Variants in NOL10 observed in about 807,000 individuals in gnomAD.
The protein encoded by NOL10 is H_NH0074G24.1.
Under a neutral mutation model 103.5 loss-of-function variants are expected in NOL10, and 58 were observed. The observed-to-expected ratio is 0.56, with a 90% confidence interval of 0.45 to 0.70. NOL10 has a LOEUF of 0.70. NOL10 is among the 30% of genes least tolerant of loss of function. The pLI, the probability that NOL10 is intolerant of heterozygous loss-of-function variation, is 0.00. For missense variants in NOL10, 763 were observed against 807.3 expected (o/e 0.95, Z 0.67); for synonymous variants, 287 against 282.5 (o/e 1.02, Z -0.16).
Position 10,689,885 on chromosome 2 carries a change from TC to T in NOL10, c.-25del. 4 of 1,592,742 alleles carry T rather than the reference TC, an allele frequency of 2.5e-6. No homozygotes were observed. In the African/African-American group the frequency reaches 4.0e-5, roughly 16 times the overall value. Reference sequence around the variant, plus strand: ...ATGGCGCCGCACAACACTGTTCAAGTCCCGGGTCCTTTCCCACCAGCGTGCT... The same window carrying T: ...ATGGCGCCGCACAACACTGTTCAAGTCCGGGTCCTTTCCCACCAGCGTGCT... On this transcript the variant is annotated 5_prime_UTR_variant, in exon 1 of 21. Transcript: ENST00000381685.
chr2:10,576,359 G>A (rs1314665856), intron 20 of NOL10, among the ~76,000 whole-genome samples: 4 of 152,080 alleles, frequency 2.6e-5, no homozygotes, highest in African/African-American at 9.7e-5. Context: ...CTGCTCCTAG[G>A]TATAGACCCA....
intron 13 of NOL10, among the ~76,000 whole-genome samples, chr2:10,609,768 C>T (rs1457392922): frequency 1.3e-5 from 2 of 152,086 alleles, no homozygotes; most frequent in Non-Finnish European, 2.9e-5. Context: ...TGGTGTACTC[C>T]CTAAAACAGC....
chr2:10,612,643 C>T (rs1168295675), intron 13 of NOL10, among the ~76,000 whole-genome samples: 1 of 152,070 alleles, frequency 6.6e-6, no homozygotes, highest in East Asian at 1.9e-4. Flanking sequence ...GCTGGGATTA[C>T]AGGCACTCAC....
At chr2:10,615,106 A>C (rs1676763940) in intron 13 of NOL10, among the ~76,000 whole-genome samples, 1 of 152,248 alleles carries the variant, frequency 6.6e-6, no homozygotes, top group Non-Finnish European at 1.5e-5. Flanking sequence ...TTGCAGCATA[A>C]TGAGCTGCCT....
In NOL10 at chr2:10,570,862, A is replaced by C. The variant is rs1674144680; in HGVS notation, c.*1209T>G. On this transcript the variant is annotated 3_prime_UTR_variant, in exon 21 of 21. Coordinates refer to ENST00000381685, the MANE Select transcript of NOL10 (RefSeq NM_024894.4). ...CAGGAAAAAAAAAAAACCTGTAATT[A>C]AACTTGTGCCAAGATTAACCAACAG... The C allele has an allele frequency of 6.6e-6, 1 of 152,008 alleles. No individual in the cohort carries two copies. The highest frequency in any genetic ancestry group is 6.6e-5 in the Admixed American group (1 of 15,264). The allele number at this position is 152,008 out of a possible 1,614,324, so 9.4% of individuals were successfully genotyped here. A position where few individuals can be genotyped will look rare whatever the true frequency, so the allele number is the denominator to read the frequency against.
chr2:10,607,081 A>G (rs6759714), intron 14 of NOL10, 104 bp downstream of exon 14: 322,678 of 604,264 alleles, frequency 0.53, 89,107 homozygotes, highest in African/African-American at 0.74. Context: ...GGGAAGATTT[A>G]GGAGATGAGG....
Position 10,657,850 on chromosome 2 carries a change from A to C in NOL10, c.798T>G (p.Val266=). The C allele has an allele frequency of 1.3e-6, 2 of 1,550,080 alleles. No homozygotes were observed. The highest frequency in any genetic ancestry group is 1.7e-6 in the Non-Finnish European group (2 of 1,146,188). The change falls in exon 11 of 21, where the codon GTT becomes GTG. Residue 266 remains valine, a synonymous_variant. Transcript: ENST00000381685. The part of the protein sequence containing the change: ...YDLRSDKPLL[V]KDHQYGLPIK... ...TGGGCAGCCCATACTGGTGATCTTT[A>C]ACTAGCAATGGCTTATCAGATCGAA...
chr2:10,586,391 T>C (rs1675023535), intron 19 of NOL10, among the ~76,000 whole-genome samples: 1 of 152,058 alleles, frequency 6.6e-6, no homozygotes, highest in Non-Finnish European at 1.5e-5. Context: ...TAACAACCAG[T>C]GAACTGCATG....
chr2:10,642,853 C>A (rs570353469), intron 13 of NOL10, among the ~76,000 whole-genome samples: 1 of 152,096 alleles, frequency 6.6e-6, no homozygotes, highest in Non-Finnish European at 1.5e-5. Flanking sequence ...GTCTCTCCTA[C>A]GTGCTCCCAC....
chr2:10,650,628 G>T (rs1679397495), intron 12 of NOL10, among the ~76,000 whole-genome samples: 1 of 152,050 alleles, frequency 6.6e-6, no homozygotes, highest in African/African-American at 2.4e-5. Flanking sequence ...GCGTGATGGT[G>T]CGTATCTGTA....
At chr2:10,661,851 C>T (rs1680229599) in intron 9 of NOL10, among the ~76,000 whole-genome samples, 2 of 147,974 alleles carry the variant, frequency 1.4e-5, no homozygotes, top group African/African-American at 2.5e-5. Flanking sequence ...AAAACAAAAA[C>T]GAAAAAGCTA....
rs1350310016 is a variant in NOL10 at position 10,668,726 on chromosome 2, G to A, written c.465-3C>T. The A allele has an allele frequency of 2.1e-6, 3 of 1,429,828 alleles. No individual in the cohort carries two copies. In the East Asian group the frequency reaches 7.3e-5, roughly 35 times the overall value. The allele number at this position is 1,429,828 out of a possible 1,614,324, so 88.6% of individuals were successfully genotyped here. ...AGTTTAACCTATAAACTTCAGAACT[G>A]TAAAGTAATAAAGAAAGTTAAAAAC... On this transcript the variant is annotated splice_region_variant and splice_polypyrimidine_tract_variant and intron_variant, in intron 6 of 20. Coordinates refer to ENST00000381685, the MANE Select transcript of NOL10 (RefSeq NM_024894.4).
rs531255858 is a variant in NOL10, at chr2:10,676,833, T to C, written c.212-962A>G. On this transcript the variant is annotated intron_variant, in intron 3 of 20. Transcript: ENST00000381685. ...TTGTATTTTTAGTAGAGACGGGGTA[T>C]CACCATGTTGGTCAGGCTGGTCTCG... Among the ~76,000 whole-genome samples the C allele has an allele frequency of 3.9e-5, 6 of 151,954 alleles. No individual in the cohort carries two copies. The South Asian group carries it at 1.0e-3, about 26-fold the overall frequency.
Position 10,667,286 on chromosome 2 carries a change from A to T in NOL10, c.531-8T>A. On this transcript the variant is annotated splice_region_variant and splice_polypyrimidine_tract_variant and intron_variant, in intron 7 of 20. Coordinates refer to ENST00000381685, the MANE Select transcript of NOL10 (RefSeq NM_024894.4). Reference sequence around the variant, plus strand: ...TCACAAACATTATTCTCCCTAACACAGGAAAGCAGTAAGAAAGAATGAATT... The same window carrying T: ...TCACAAACATTATTCTCCCTAACACTGGAAAGCAGTAAGAAAGAATGAATT... 1 of 1,571,322 alleles carries T rather than the reference A, an allele frequency of 6.4e-7. No individual in the cohort carries two copies. Among genetic ancestry groups the T allele is most frequent in the Non-Finnish European group, 8.7e-7 (1 of 1,155,504 alleles).
At chr2:10,644,490 G>C (rs780241073) in intron 12 of NOL10, 118 bp from the exon 13 acceptor site, 15 of 580,798 alleles carry the variant, frequency 2.6e-5, no homozygotes, top group Non-Finnish European at 4.3e-5. Context: ...CCAAAGTATA[G>C]TATTTCCCAC....
At chr2:10,581,901 G>A (rs550953270) in intron 19 of NOL10, among the ~76,000 whole-genome samples, 4 of 152,258 alleles carry the variant, frequency 2.6e-5, no homozygotes, top group South Asian at 2.1e-4. Flanking sequence ...GAACACATAC[G>A]GGAATGAATG....
chr2:10,620,984 C>T (rs778985275), intron 13 of NOL10, among the ~76,000 whole-genome samples: 5 of 152,000 alleles, frequency 3.3e-5, no homozygotes, highest in South Asian at 2.1e-4. Context: ...TTAATAGAGA[C>T]GGTTTTGCCA....
rs141757537 is a variant in NOL10, at chr2:10,623,350, C to T, written c.1027-16039G>A. 4.3e-3 allele frequency among the ~76,000 whole-genome samples: 657 copies of T among 152,218 alleles called. 9 individuals are homozygous for T. Among genetic ancestry groups the T allele is most frequent in the African/African-American group, 0.015 (604 of 41,520 alleles). ...CTCTTCCCAAACAGACTGAACGGAC[C>T]GGGGCTCGTGGGTCTTACTTCAGCT... is the stretch of plus-strand genomic sequence containing the variant. On this transcript the variant is annotated intron_variant, in intron 13 of 20. Transcript: ENST00000381685.
At chr2:10,632,012 G>A (rs1677882881) in intron 13 of NOL10, among the ~76,000 whole-genome samples, 1 of 152,158 alleles carries the variant, frequency 6.6e-6, no homozygotes, top group Non-Finnish European at 1.5e-5. Context: ...TAGCAGAAAA[G>A]GGCAAATGCA....
Sources: allele counts gnomAD v4.1 joint callset (sites outside exome capture counted in the v4.1 genomes callset), GRCh38; gene constraint gnomAD v4.1.1; transcripts MANE v1.5; gene names NCBI Gene and HGNC (gene_info 2026-07-23, HGNC 2026-07-21).